The following MAGI2 variants were observed in gnomAD, a reference collection of about 807,000 sequenced individuals.
MAGI2 encodes the protein membrane associated guanylate kinase, WW and PDZ domain containing 2.
In MAGI2, 35 loss-of-function variants were observed where a neutral mutation model predicts 133.3. The observed-to-expected ratio is 0.26, with a 90% CI of 0.20 to 0.35. The LOEUF (loss-of-function observed/expected upper bound fraction) is 0.35, where lower values mean the gene tolerates loss of function less well. MAGI2 is among the 10% of genes least tolerant of loss of function. The pLI, the probability that MAGI2 is intolerant of heterozygous loss-of-function variation, is 1.00. For synonymous variants in MAGI2, 729 were observed against 710.6 expected, an observed-to-expected ratio of 1.03 and a Z score of -0.41; for missense variants, 1,636 against 1,863.4, an observed-to-expected ratio of 0.88 and a Z score of 2.25.
chr7:78,648,975 G>A (rs2151007127), intron 2 of MAGI2, among the ~76,000 whole-genome samples: 1 of 151,988 alleles, frequency 6.6e-6, no homozygotes, highest in South Asian at 2.1e-4. Flanking sequence ...GGCTTCAAGA[G>A]TTCTGAAGCC....
intron 11 of MAGI2, among the ~76,000 whole-genome samples, chr7:78,200,340 C>T (rs1829126068): frequency 2.0e-5 from 3 of 152,180 alleles, no homozygotes; most frequent in African/African-American, 7.2e-5. Context: ...TGAAGACCAC[C>T]TCTAACTGCT....
At chr7:78,127,509 C>G in intron 18 of MAGI2, 93 bp from the exon 19 acceptor site, 2 of 836,422 alleles carry the variant, frequency 2.4e-6, no homozygotes, top group Non-Finnish European at 3.9e-6. Context: ...CCAGCCATGA[C>G]AGCTCACACA....
intron 9 of MAGI2, among the ~76,000 whole-genome samples, chr7:78,290,447 C>A (rs912583314): frequency 6.6e-6 from 1 of 152,170 alleles, no homozygotes; most frequent in Non-Finnish European, 1.5e-5. Context: ...ATTCATAAAG[C>A]AAGTTCTTAG....
At chr7:78,108,718 A>G (rs932184542) in intron 20 of MAGI2, among the ~76,000 whole-genome samples, 1 of 128,200 alleles carries the variant, frequency 7.8e-6, no homozygotes, top group African/African-American at 2.6e-5. Context: ...GAGTGTATAT[A>G]TGTGTGTGTA....
chr7:78,898,824 T>C (rs1799012), intron 2 of MAGI2, among the ~76,000 whole-genome samples: 73,685 of 152,070 alleles, frequency 0.48, 19,857 homozygotes, highest in South Asian at 0.62. Flanking sequence ...AATAAGTAAA[T>C]ATTCAAACTC....
chr7:79,006,122 T>A lies in MAGI2; in HGVS notation c.418+968A>T, dbSNP rs376063620. Among the ~76,000 whole-genome samples, 38 of 152,298 alleles carry A rather than the reference T, an allele frequency of 2.5e-4. 1 individual carries two copies. The East Asian group carries it at 4.8e-3, about 19-fold the overall frequency. On this transcript the variant is annotated intron_variant, in intron 2 of 21. Transcript: ENST00000354212. ...ATTATTTCAGTATAATTATCCAGTA[T>A]CTATTCCAGATAATTATAGTTACAT...
intron 5 of MAGI2, among the ~76,000 whole-genome samples, chr7:78,498,394 TAC>T (rs1328126008): frequency 2.6e-5 from 4 of 152,204 alleles, no homozygotes; most frequent in African/African-American, 7.2e-5. Context: ...TTTCATAGTA[TAC>T]AGTTTGTTAG....
intron 1 of MAGI2, among the ~76,000 whole-genome samples, chr7:79,353,160 A>T (rs777120594): frequency 1.1e-4 from 16 of 152,218 alleles, no homozygotes; most frequent in Non-Finnish European, 1.0e-4. Flanking sequence ...CAACAAACAT[A>T]GTGGTCCTGG....
chr7:78,065,836 T>C (rs1442105512), intron 21 of MAGI2, among the ~76,000 whole-genome samples: 1 of 152,220 alleles, frequency 6.6e-6, no homozygotes, highest in Admixed American at 6.5e-5. Flanking sequence ...CTATCAAGCA[T>C]GCAGCAAGTG....
At chr7:78,373,085 G>C (rs969563593) in intron 6 of MAGI2, among the ~76,000 whole-genome samples, 9 of 152,140 alleles carry the variant, frequency 5.9e-5, no homozygotes, top group African/African-American at 1.7e-4. Flanking sequence ...AGCCTTCTGA[G>C]TACCTGGAAC....
At chr7:78,069,579 G>T (rs28529080) in intron 21 of MAGI2, among the ~76,000 whole-genome samples, 16,754 of 138,188 alleles carry the variant, frequency 0.12, 1,097 homozygotes, top group African/African-American at 0.18. Context: ...AGAGGCTTCT[G>T]ATTCCTCTTA....
At chr7:78,812,054 T>C (rs1015009318) in intron 2 of MAGI2, among the ~76,000 whole-genome samples, 2 of 151,960 alleles carry the variant, frequency 1.3e-5, no homozygotes, top group Non-Finnish European at 2.9e-5. Flanking sequence ...GGTTTGACAA[T>C]AGTGGGGACA....
intron 2 of MAGI2, among the ~76,000 whole-genome samples, chr7:78,942,834 T>A (rs1801094675): frequency 6.6e-6 from 1 of 151,840 alleles, no homozygotes; most frequent in Non-Finnish European, 1.5e-5. Flanking sequence ...AGGGACCATG[T>A]CTAAGTTGAC....
At chr7:79,329,793 T>C (rs1399076746) in intron 1 of MAGI2, among the ~76,000 whole-genome samples, 1 of 152,182 alleles carries the variant, frequency 6.6e-6, no homozygotes, top group Non-Finnish European at 1.5e-5. Flanking sequence ...CTATATCAAA[T>C]ATTAATAGTT....
At chr7:78,223,158 T>C (rs898072146) in intron 10 of MAGI2, among the ~76,000 whole-genome samples, 2 of 152,220 alleles carry the variant, frequency 1.3e-5, no homozygotes, top group Non-Finnish European at 2.9e-5. Context: ...ACCTGGGCTT[T>C]CATCTTTTAA....
At chr7:79,006,462 T>A (rs1490873027) in intron 2 of MAGI2, among the ~76,000 whole-genome samples, 1 of 152,174 alleles carries the variant, frequency 6.6e-6, no homozygotes, top group Non-Finnish European at 1.5e-5. Context: ...AGGTGAGCTG[T>A]AACAGACACT....
At chr7:78,195,452 C>T (rs1224371779) in intron 11 of MAGI2, among the ~76,000 whole-genome samples, 1 of 152,148 alleles carries the variant, frequency 6.6e-6, no homozygotes, top group Non-Finnish European at 1.5e-5. Context: ...AAGATGGTTT[C>T]AACATATTAC....
chr7:78,240,388 A>T (rs1791014186), intron 10 of MAGI2, among the ~76,000 whole-genome samples: 1 of 152,228 alleles, frequency 6.6e-6, no homozygotes, highest in African/African-American at 2.4e-5. Flanking sequence ...CACTACTCAT[A>T]ATAGCCAAGG....
intron 10 of MAGI2, among the ~76,000 whole-genome samples, chr7:78,205,791 G>GA (rs1057273070): frequency 2.0e-5 from 3 of 151,804 alleles, no homozygotes; most frequent in East Asian, 3.9e-4. Context: ...ATTTCATTCA[G>GA]AAAAAAAAGC....
Sources: gnomAD v4.1 joint callset for allele counts (sites outside exome capture counted in the v4.1 genomes callset) on GRCh38, gnomAD v4.1.1 for gene constraint, MANE v1.5 for transcripts, NCBI Gene and HGNC (gene_info 2026-07-23, HGNC 2026-07-21) for gene names.